The following NLRC4 variants were observed in gnomAD, a reference collection of about 807,000 sequenced individuals.
NLRC4 encodes NLR family CARD domain-containing protein 4.
A neutral mutation model predicts 79.9 loss-of-function variants in NLRC4; 63 were observed. The ratio of observed to expected loss-of-function variants is 0.79; its 90% CI spans 0.64 to 0.97. The LOEUF is 0.97. NLRC4 is among the 50% of genes least tolerant of loss of function. NLRC4 has a pLI of 0.00. For missense variants in NLRC4, 1,074 were observed against 1,215.2 expected, an observed-to-expected ratio of 0.88 and a Z score of 1.73; for synonymous variants, 461 against 456.5, an observed-to-expected ratio of 1.01 and a Z score of -0.12.
chr2:32,238,272 C>T lies in NLRC4; in HGVS notation c.2381G>A (p.Cys794Tyr). ...AEGLKNLKKM[C>Y]LFHLTHLSDI... ...AGACAAGTGGGTCAAATGAAATAAACACATCTTCTTCAGGTTTTTCAGGCC... is the reference window on the plus strand; with the variant it reads ...AGACAAGTGGGTCAAATGAAATAAATACATCTTCTTCAGGTTTTTCAGGCC... Residue 794 changes from cysteine to tyrosine, a missense_variant, in exon 6 of 9, where the codon TGT (cysteine) becomes TAT (tyrosine). Transcript: ENST00000402280. 6.2e-7 allele frequency: 1 copy of T among 1,611,432 alleles called. No homozygotes were observed. The highest frequency in any genetic ancestry group is 8.5e-7 in the Non-Finnish European group (1 of 1,179,232).
chr2:32,259,114 G>A (rs750681154), intron 1 of NLRC4, among the ~76,000 whole-genome samples: 23 of 151,830 alleles, frequency 1.5e-4, no homozygotes, highest in Non-Finnish European at 2.9e-4. Flanking sequence ...CTCTTTTTTT[G>A]AGACAGGGTC....
chr2:32,258,747 C>G (rs1211385717), intron 1 of NLRC4, among the ~76,000 whole-genome samples: 7 of 152,164 alleles, frequency 4.6e-5, no homozygotes, highest in Non-Finnish European at 8.8e-5. Context: ...TCATTTCATC[C>G]TCCTAGTTGC....
chr2:32,256,354 CT>C, intron 2 of NLRC4, among the ~76,000 whole-genome samples: 1 of 152,070 alleles, frequency 6.6e-6, no homozygotes, highest in African/African-American at 2.4e-5. Flanking sequence ...TTAAATTCAC[CT>C]TTAAATAGCT....
chr2:32,235,633 G>A lies in NLRC4; in HGVS notation c.2615-65C>T. On this transcript the variant is annotated intron_variant, in intron 7 of 8. Coordinates refer to ENST00000402280, the MANE Select transcript of NLRC4 (RefSeq NM_001199138.2). Reference sequence around the variant, plus strand: ...CAAAACTGAGGAAGAACAAAGGGGTGTTAGGGGAGGAATGATCTTTATGTT... The same window carrying A: ...CAAAACTGAGGAAGAACAAAGGGGTATTAGGGGAGGAATGATCTTTATGTT... 5.4e-6 allele frequency: 7 copies of A among 1,303,360 alleles called. No individual in the cohort carries two copies. The South Asian group carries it at 8.8e-5, about 16-fold the overall frequency. The allele number at this position is 1,303,360 out of a possible 1,614,324, so 80.7% of individuals were successfully genotyped here. A position where few individuals can be genotyped will look rare whatever the true frequency, so the allele number is the denominator to read the frequency against.
intron 1 of NLRC4, among the ~76,000 whole-genome samples, chr2:32,262,706 G>T (rs941344293): frequency 6.6e-6 from 1 of 151,924 alleles, no homozygotes; most frequent in Non-Finnish European, 1.5e-5. Context: ...AACCCAGGAG[G>T]TGGAGGTTTC....
chr2:32,231,574 T>TGGGG (rs759316485), intron 8 of NLRC4, among the ~76,000 whole-genome samples: 2 of 74,758 alleles, frequency 2.7e-5, no homozygotes, highest in African/African-American at 5.1e-5. Context: ...TTTTTTTTTG[T>TGGGG]GGGGGGGGGG....
chr2:32,250,110 TATAAGCTTTTACCTTG>T lies in NLRC4; in HGVS notation c.1738_1753del (p.Gln580IlefsTer88). 1.2e-6 allele frequency: 2 copies of T among 1,614,244 alleles called. No individual in the cohort carries two copies. Among genetic ancestry groups the T allele is most frequent in the Non-Finnish European group, 1.7e-6 (2 of 1,180,034 alleles). On this transcript the variant is annotated frameshift_variant, in exon 4 of 9. Coordinates refer to ENST00000402280, the MANE Select transcript of NLRC4 (RefSeq NM_001199138.2). LOFTEE classifies it high-confidence loss of function. This position sits in a 1 kb window ranked among gnomAD's most constrained non-coding sequence, Gnocchi z 4.9. The stretch of plus-strand genomic sequence containing the variant: ...ATCGGGGATGTTCCCTGAGTTGATA[TATAAGCTTTTACCTTG>T]AAAGAAAGCTTCAAATTCTTGGCTC...
intron 8 of NLRC4, among the ~76,000 whole-genome samples, chr2:32,231,572 T>TGCG (rs757448591): frequency 0.015 from 903 of 59,376 alleles, 93 homozygotes; most frequent in African/African-American, 0.032. Context: ...TATTTTTTTT[T>TGCG]GTGGGGGGGG....
intron 5 of NLRC4, 76 bp downstream of exon 5, chr2:32,240,957 C>T: frequency 1.1e-6 from 1 of 871,924 alleles, no homozygotes; most frequent in Non-Finnish European, 1.9e-6. Flanking sequence ...GCAGACACAG[C>T]CAATGTCAGA....
chr2:32,230,532 C>T (rs12466245), intron 8 of NLRC4, among the ~76,000 whole-genome samples: 6,849 of 148,184 alleles, frequency 0.046, 263 homozygotes, highest in Admixed American at 0.13. Context: ...AGTTCAGTGG[C>T]GCGATCTTGG....
At chr2:32,251,924 C>T (rs1281229696) in intron 3 of NLRC4, among the ~76,000 whole-genome samples, 1 of 152,160 alleles carries the variant, frequency 6.6e-6, no homozygotes, top group African/African-American at 2.4e-5. Flanking sequence ...TAATTGTCAT[C>T]ATAGTAGGCC....
In NLRC4 at chr2:32,251,053, A is replaced by T. The variant is rs1451730225; in HGVS notation, c.811T>A (p.Phe271Ile). The change falls in exon 4 of 9, where the codon TTC becomes ATC. Residue 271 changes from phenylalanine to isoleucine, a missense_variant. Coordinates refer to ENST00000402280, the MANE Select transcript of NLRC4 (RefSeq NM_001199138.2). Reference protein sequence around the residue: ...IEALIKENHRFKNMVIVTTTT... With the variant: ...IEALIKENHRIKNMVIVTTTT... ...GTGGTGACGATGACCATGTTCTTGA[A>T]GCGGTGGTTTTCCTTTATCAGGGCT... 6.2e-7 allele frequency: 1 copy of T among 1,614,146 alleles called. No homozygotes were observed. Among genetic ancestry groups the T allele is most frequent in the African/African-American group, 1.3e-5 (1 of 75,044 alleles).
At chr2:32,246,329 G>T (rs1263412970) in intron 4 of NLRC4, among the ~76,000 whole-genome samples, 1 of 152,086 alleles carries the variant, frequency 6.6e-6, no homozygotes, top group Non-Finnish European at 1.5e-5. Context: ...TGAGTAGATG[G>T]TGAGCTTCCT....
At chr2:32,260,818 T>G (rs1687324780) in intron 1 of NLRC4, among the ~76,000 whole-genome samples, 1 of 152,178 alleles carries the variant, frequency 6.6e-6, no homozygotes, top group African/African-American at 2.4e-5. Flanking sequence ...CTTCGTGCGC[T>G]ATGCAAACGT....
At chr2:32,245,646 A>T (rs1465431459) in intron 4 of NLRC4, among the ~76,000 whole-genome samples, 1 of 152,204 alleles carries the variant, frequency 6.6e-6, no homozygotes, top group African/African-American at 2.4e-5. Flanking sequence ...ACAAAACATA[A>T]ATGGTTGAAG....
At chr2:32,263,167 C>A (rs1407234778) in intron 1 of NLRC4, among the ~76,000 whole-genome samples, 1 of 151,954 alleles carries the variant, frequency 6.6e-6, no homozygotes, top group African/African-American at 2.4e-5. Context: ...GGAAAGAGTA[C>A]ATATAATTAG....
intron 4 of NLRC4, among the ~76,000 whole-genome samples, chr2:32,248,057 T>C (rs212736): frequency 0.74 from 113,086 of 152,050 alleles, 42,270 homozygotes; most frequent in African/African-American, 0.76. Flanking sequence ...AATCTGATAA[T>C]GGTGGTTACA....
At chr2:32,265,059 T>C (rs1261022672), upstream of NLRC4, among the ~76,000 whole-genome samples, 1 of 152,214 alleles carries the variant, frequency 6.6e-6, no homozygotes, top group Non-Finnish European at 1.5e-5. Flanking sequence ...AAGAAAGGAA[T>C]TACTCATTTG....
rs374972234 is a variant in NLRC4 at position 32,252,692 on chromosome 2, G to C, written c.2-13C>G. 6.2e-7 allele frequency: 1 copy of C among 1,607,544 alleles called. No homozygotes were observed. Among genetic ancestry groups the C allele is most frequent in the African/African-American group, 1.3e-5 (1 of 74,720 alleles). ...TTTATGAAATTCACTGAGGAGATGG[G>C]GAGAAATATACATATTTATTTACTT... On this transcript the variant is annotated splice_polypyrimidine_tract_variant and intron_variant, in intron 2 of 8. Transcript: ENST00000402280.
Sources: allele counts gnomAD v4.1 joint callset (sites outside exome capture counted in the v4.1 genomes callset), GRCh38; gene constraint gnomAD v4.1.1; non-coding constraint Gnocchi (gnomAD v3.1); transcripts MANE v1.5; gene names NCBI Gene and HGNC (gene_info 2026-07-23, HGNC 2026-07-21).